DENND2B: variants seen among roughly 807,000 people sequenced by gnomAD.
The protein encoded by DENND2B is DENN domain containing 2B, also known as DENN domain-containing protein 2B.
A neutral mutation model predicts 116.0 loss-of-function variants in DENND2B; 32 were observed. That is an observed-to-expected ratio of 0.28 (90% CI 0.21 to 0.37). The LOEUF is 0.37. DENND2B is among the 10% of genes least tolerant of loss of function. The pLI is 1.00. For synonymous variants in DENND2B, 588 were observed against 583.9 expected (o/e 1.01, Z -0.10); for missense variants, 1,276 against 1,477.7 (o/e 0.86, Z 2.24).
At chr11:8,719,123 C>G in intron 4 of DENND2B, 1 of 985,626 alleles carries the variant, frequency 1.0e-6, no homozygotes, top group Non-Finnish European at 1.2e-6. Context: ...TCAGACCCCA[C>G]TCCTCAGGAA....
intron 3 of DENND2B, among the ~76,000 whole-genome samples, chr11:8,855,790 CAG>C (rs945545434): frequency 3.3e-5 from 5 of 152,002 alleles, no homozygotes; most frequent in African/African-American, 1.2e-4. Context: ...AATTTAAAGA[CAG>C]GGATTAGGGA....
At chr11:8,719,798 C>T (rs1471481901) in intron 4 of DENND2B, among the ~76,000 whole-genome samples, 1 of 152,216 alleles carries the variant, frequency 6.6e-6, no homozygotes, top group Non-Finnish European at 1.5e-5. Flanking sequence ...GTCCACATCA[C>T]GGCAGGGAGA....
chr11:8,829,125 T>G (rs1049589367), intron 4 of DENND2B, among the ~76,000 whole-genome samples: 1 of 149,734 alleles, frequency 6.7e-6, no homozygotes, highest in African/African-American at 2.5e-5. Context: ...TTTGTGCATG[T>G]GGTGTGTGTG....
intron 1 of DENND2B, among the ~76,000 whole-genome samples, chr11:8,797,855 C>T (rs980247263): frequency 2.0e-5 from 3 of 152,164 alleles, no homozygotes; most frequent in African/African-American, 7.2e-5. Context: ...TCCACCCCGA[C>T]ACCCCCTTGC....
intron 2 of DENND2B, among the ~76,000 whole-genome samples, chr11:8,863,027 T>C (rs554204125): frequency 1.3e-5 from 2 of 152,172 alleles, no homozygotes; most frequent in South Asian, 4.1e-4. Flanking sequence ...ATCACTGAGC[T>C]ACTCATGGAG....
rs1452956194 is a variant in DENND2B at position 8,754,011 on chromosome 11, A to C, written c.-25-3286T>G. 8.0e-5 allele frequency among the ~76,000 whole-genome samples: 11 copies of C among 138,316 alleles called. No homozygotes were observed. In the Admixed American group the frequency reaches 8.2e-4, roughly 10 times the overall value. The allele number at this position is 138,316 out of a possible 152,430, so 90.7% of individuals were successfully genotyped here. A position where few individuals can be genotyped will look rare whatever the true frequency, so the allele number is the denominator to read the frequency against. ...ATTGGATTAGGCAATGGTTTCTTAG[A>C]TATAACACCAAAAGCGCGCACACAC... On this transcript the variant is annotated intron_variant, in intron 1 of 19. Transcript: ENST00000313726.
rs1185650471 is a variant in DENND2B at position 8,718,096 on chromosome 11, A to ACCCCCCCAC, written c.1478-213_1478-205dup. ...TGGCTCCAAGTCCAGAAGCAGACCC[A>ACCCCCCCAC]CCCCCCCACCCCCCCCAACCCCCCA... On this transcript the variant is annotated intron_variant, in intron 4 of 19. Transcript: ENST00000313726. 7.3e-4 allele frequency: 52 copies of ACCCCCCCAC among 71,200 alleles called. 3 individuals carry two copies. The highest frequency in any genetic ancestry group is 3.6e-3 in the East Asian group (7 of 1,944). 4.4% of individuals were successfully genotyped at this position (71,200 alleles called of 1,614,324 possible). A position where few individuals can be genotyped will look rare whatever the true frequency, so the allele number is the denominator to read the frequency against.
chr11:8,861,105 C>T (rs886545261), intron 2 of DENND2B, among the ~76,000 whole-genome samples: 1 of 152,062 alleles, frequency 6.6e-6, no homozygotes, highest in Non-Finnish European at 1.5e-5. Context: ...TTAGGAAAAA[C>T]TCTTCTGGAC....
intron 1 of DENND2B, among the ~76,000 whole-genome samples, chr11:8,782,909 T>C (rs2058525976): frequency 6.9e-6 from 1 of 144,276 alleles, no homozygotes; most frequent in Non-Finnish European, 1.5e-5. Flanking sequence ...AAAAAAAAGA[T>C]ATTGTTAAAT....
At chr11:8,817,666 C>T (rs2061615398) in intron 4 of DENND2B, among the ~76,000 whole-genome samples, 1 of 152,142 alleles carries the variant, frequency 6.6e-6, no homozygotes. Context: ...TTCAGTCTGC[C>T]AGTCATCCAG....
chr11:8,830,765 T>C, intron 4 of DENND2B: 1 of 152,202 alleles, frequency 6.6e-6, no homozygotes, highest in South Asian at 2.1e-4. Flanking sequence ...AATCCACCTA[T>C]TCTCTGAGGC....
At chr11:8,738,721 A>G (rs945422952) in intron 2 of DENND2B, among the ~76,000 whole-genome samples, 1 of 152,224 alleles carries the variant, frequency 6.6e-6, no homozygotes, top group Non-Finnish European at 1.5e-5. Flanking sequence ...AAAACTGATC[A>G]TGCTTGAAAC....
intron 5 of DENND2B, 149 bp downstream of exon 5, chr11:8,717,592 G>T: frequency 1.1e-6 from 1 of 883,214 alleles, no homozygotes; most frequent in Non-Finnish European, 1.6e-6. Context: ...ACGAGATCGG[G>T]CACGTTCAGG....
At chr11:8,700,808 T>A (rs1014924967) in intron 14 of DENND2B, among the ~76,000 whole-genome samples, 19 of 152,264 alleles carry the variant, frequency 1.2e-4, no homozygotes, top group East Asian at 3.9e-4. Flanking sequence ...TTCCTTTTTT[T>A]AAAAAAATTT....
Position 8,717,790 on chromosome 11 carries a change from T to C in DENND2B, c.1580A>G (p.His527Arg). 1 of 1,610,552 alleles carries C rather than the reference T, an allele frequency of 6.2e-7. No homozygotes were observed. Among genetic ancestry groups the C allele is most frequent in the South Asian group, 1.1e-5 (1 of 90,908 alleles). Residue 527 changes from histidine to arginine, a missense_variant, in exon 5 of 20, where the codon CAC (histidine) becomes CGC (arginine). By Grantham distance (29) the His-to-Arg change is conservative. Transcript: ENST00000313726. ...QLSENSLDSL[H>R]RMWSPQDRKY... ...CCTGTCCTGAGGACTCCACATCCTG[T>C]GCAAAGAGTCCAAGGAGTTCTCAGA...
chr11:8,714,647 C>A lies in DENND2B; in HGVS notation c.1905G>T (p.Lys635Asn), dbSNP rs1195035386. The A allele has an allele frequency of 1.2e-6, 2 of 1,614,174 alleles. No individual in the cohort carries two copies. The highest frequency in any genetic ancestry group is 1.1e-5 in the South Asian group (1 of 91,084). Residue 635 changes from lysine (K) to asparagine (N), a missense_variant, in exon 7 of 20, where the codon AAG (lysine) becomes AAT (asparagine). Lys to Asn is a moderately conservative substitution (Grantham distance 94). This residue lies in a region of DENND2B where 856 missense variants were observed against 846.6 expected (regional missense o/e 1.01). Coordinates refer to ENST00000313726, the MANE Select transcript of DENND2B (RefSeq NM_213618.2). ...CTGTTTCAATGCTGGACATAGACAA[C>A]TTTTTTAATCTCTTCTTTCCTCTCT... ...NAKRGKKRLKKLSMSSIETAS... is the reference protein window; with the variant it reads ...NAKRGKKRLKNLSMSSIETAS...
chr11:8,696,974 C>G (rs923388218), intron 17 of DENND2B, among the ~76,000 whole-genome samples: 2 of 152,202 alleles, frequency 1.3e-5, no homozygotes, highest in Non-Finnish European at 2.9e-5. Flanking sequence ...CCATGTTAGC[C>G]AGGCTGGTCT....
intron 1 of DENND2B, among the ~76,000 whole-genome samples, chr11:8,797,921 T>C (rs1294740588): frequency 6.6e-6 from 1 of 152,188 alleles, no homozygotes. Context: ...TGTCAAGCTC[T>C]TTCCTACCTC....
chr11:8,754,545 TATAAACCAGGATGACCCAC>T (rs1417266149), intron 1 of DENND2B, among the ~76,000 whole-genome samples: 3 of 152,202 alleles, frequency 2.0e-5, no homozygotes, highest in Admixed American at 2.0e-4. Flanking sequence ...AGAGTTACCA[TATAAACCAGGATGACCCAC>T]TCCTAGGTAT....
Sources: gnomAD v4.1 joint callset for allele counts (sites outside exome capture counted in the v4.1 genomes callset) on GRCh38, gnomAD v4.1.1 for gene constraint, gnomAD v4.1.1 regional missense constraint, MANE v1.5 for transcripts, NCBI Gene and HGNC (gene_info 2026-07-23, HGNC 2026-07-21) for gene names.